Variants in NEBL observed in about 807,000 individuals in gnomAD.
NEBL encodes the protein LIM and SH3 protein 2.
Under a neutral mutation model 140.2 loss-of-function variants are expected in NEBL, and 122 were observed. The ratio of observed to expected loss-of-function variants is 0.87; its 90% CI spans 0.75 to 1.01. The LOEUF is 1.01. Among genes scored for constraint, NEBL ranks in the 50% least tolerant of loss-of-function variants. The pLI is 0.00. For missense variants in NEBL, 1,365 were observed against 1,231.3 expected (o/e 1.11, Z -1.62); for synonymous variants, 436 against 398.9 (o/e 1.09, Z -1.11).
At chr10:20,838,166 T>C (rs1841070853) in intron 13 of NEBL, among the ~76,000 whole-genome samples, 1 of 152,234 alleles carries the variant, frequency 6.6e-6, no homozygotes, top group Non-Finnish European at 1.5e-5. Flanking sequence ...CTGATGAATC[T>C]GGGCAAAGTA....
chr10:20,819,266 G>C, intron 20 of NEBL, 158 bp downstream of exon 20: 2 of 1,230,284 alleles, frequency 1.6e-6, no homozygotes, highest in Non-Finnish European at 2.3e-6. Context: ...CCCTCTATGT[G>C]TCCATGTATT....
intron 4 of NEBL, among the ~76,000 whole-genome samples, chr10:20,938,611 G>T (rs753681608): frequency 3.3e-4 from 50 of 152,200 alleles, no homozygotes; most frequent in Non-Finnish European, 6.3e-4. Context: ...CGAGTTGAGA[G>T]AAGAAGGCTT....
At chr10:21,209,890 G>A (rs1305448177) in intron 3 of NEBL, among the ~76,000 whole-genome samples, 2 of 151,946 alleles carry the variant, frequency 1.3e-5, no homozygotes, top group African/African-American at 2.4e-5. Flanking sequence ...GTGGAGCCAG[G>A]AACTGGTGTC....
At chr10:20,863,798 T>C (rs1024359338) in intron 7 of NEBL, among the ~76,000 whole-genome samples, 8 of 152,128 alleles carry the variant, frequency 5.3e-5, no homozygotes, top group African/African-American at 1.9e-4. Context: ...ACGTATATAT[T>C]ATGCAACTAC....
intron 3 of NEBL, among the ~76,000 whole-genome samples, chr10:20,999,497 G>A (rs1010917501): frequency 3.3e-5 from 5 of 152,194 alleles, no homozygotes; most frequent in African/African-American, 1.2e-4. Context: ...TACTCAGGAG[G>A]CTGAGGTAGG....
chr10:21,045,040 T>C (rs992532561), intron 2 of NEBL, among the ~76,000 whole-genome samples: 7 of 152,232 alleles, frequency 4.6e-5, no homozygotes, highest in East Asian at 1.9e-4. Context: ...TTATAGACTA[T>C]TTTGCTAAAA....
chr10:21,184,091 G>A (rs1181967314), intron 3 of NEBL, among the ~76,000 whole-genome samples: 1 of 152,140 alleles, frequency 6.6e-6, no homozygotes, highest in East Asian at 1.9e-4. Flanking sequence ...TTCATCAGTG[G>A]TGTGAAAACT....
chr10:21,107,416 T>C (rs1409358206), intron 2 of NEBL, among the ~76,000 whole-genome samples: 1 of 152,226 alleles, frequency 6.6e-6, no homozygotes, highest in African/African-American at 2.4e-5. Flanking sequence ...TCTGCATCTA[T>C]TGAGAGAATC....
At chr10:20,872,037 G>A (rs1201748685) in intron 5 of NEBL, among the ~76,000 whole-genome samples, 1 of 152,146 alleles carries the variant, frequency 6.6e-6, no homozygotes, top group Non-Finnish European at 1.5e-5. Flanking sequence ...GGGGGGAAAT[G>A]TCTTTTTGTT....
rs903031176 is a variant in NEBL at position 21,275,765 on chromosome 10, C to T, written n.182+17065G>A. On this transcript the variant is annotated intron_variant and non_coding_transcript_variant, in intron 1 of 8. Transcript: ENST00000675702. ...AAGCAATTCTCCTGCCTCGGCCTCC[C>T]GAGTAGCTGGGATTACAGGCAAGTG... 3.3e-5 allele frequency among the ~76,000 whole-genome samples: 5 copies of T among 150,950 alleles called. No individual in the cohort carries two copies. The East Asian group carries it at 5.8e-4, about 18-fold the overall frequency.
intron 2 of NEBL, among the ~76,000 whole-genome samples, chr10:21,093,137 T>C (rs1836998898): frequency 7.0e-6 from 1 of 143,554 alleles, no homozygotes; most frequent in Non-Finnish European, 1.5e-5. Context: ...CTTTTATTCA[T>C]TTAGCAACAA....
upstream of NEBL, among the ~76,000 whole-genome samples, chr10:21,176,022 C>T (rs1466070358): frequency 6.6e-6 from 1 of 151,170 alleles, no homozygotes; most frequent in Non-Finnish European, 1.5e-5. Flanking sequence ...CAGGGTCTAA[C>T]TCTGTCACCC....
chr10:20,850,556 G>T (rs1206140437), intron 10 of NEBL, 54 bp from the exon 11 acceptor site: 2 of 1,139,390 alleles, frequency 1.8e-6, no homozygotes, highest in African/African-American at 1.5e-5. Context: ...TACAAACAGA[G>T]CAAACTAAGA....
intron 3 of NEBL, among the ~76,000 whole-genome samples, chr10:21,206,198 A>G (rs904553220): frequency 3.3e-5 from 5 of 152,230 alleles, no homozygotes; most frequent in Non-Finnish European, 7.3e-5. Context: ...TAATATCCTA[A>G]TCGCTGTTAG....
chr10:21,188,796 G>T (rs1481181720), intron 3 of NEBL, among the ~76,000 whole-genome samples: 2 of 151,818 alleles, frequency 1.3e-5, no homozygotes, highest in East Asian at 3.9e-4. Context: ...CATCACGTCG[G>T]CCAGGCTGGT....
At chr10:20,886,823 T>C (rs1380263406) in intron 4 of NEBL, among the ~76,000 whole-genome samples, 1 of 152,212 alleles carries the variant, frequency 6.6e-6, no homozygotes, top group African/African-American at 2.4e-5. Flanking sequence ...TCTGTGTGTT[T>C]ACTATTATTA....
intron 1 of NEBL, among the ~76,000 whole-genome samples, chr10:21,279,173 G>A (rs1024175287): frequency 2.0e-5 from 3 of 152,034 alleles, no homozygotes; most frequent in Admixed American, 2.0e-4. Context: ...GCTATAGGCA[G>A]TAAGTAAACC....
At chr10:20,880,463 C>G (rs1845913212) in intron 5 of NEBL, among the ~76,000 whole-genome samples, 1 of 152,206 alleles carries the variant, frequency 6.6e-6, no homozygotes, top group Non-Finnish European at 1.5e-5. Flanking sequence ...TCCAGTTCTT[C>G]TGTGATTCTA....
chr10:21,278,493 C>G (rs1392344394), intron 1 of NEBL, among the ~76,000 whole-genome samples: 2 of 152,142 alleles, frequency 1.3e-5, no homozygotes, highest in Non-Finnish European at 2.9e-5. Context: ...TGATGAGGCC[C>G]TGGACCCATA....
Sources: allele counts gnomAD v4.1 joint callset (sites outside exome capture counted in the v4.1 genomes callset), GRCh38; gene constraint gnomAD v4.1.1; transcripts MANE v1.5; gene names NCBI Gene and HGNC (gene_info 2026-07-23, HGNC 2026-07-21).